The following IL1R2 variants were observed in gnomAD, a reference collection of about 807,000 sequenced individuals.
IL1R2 encodes interleukin 1 receptor type 2, also known as interleukin-1 receptor type 2.
A neutral mutation model predicts 39.5 loss-of-function variants in IL1R2; 46 were observed. That is an observed-to-expected ratio of 1.16 (90% CI 0.92 to 1.49). IL1R2 has a LOEUF of 1.49. Ranked by LOEUF, IL1R2 falls within the 40% of genes most tolerant of loss-of-function variation. The pLI is 0.00. For missense variants in IL1R2, 537 were observed against 502.0 expected, an observed-to-expected ratio of 1.07 and a Z score of -0.67; for synonymous variants, 207 against 189.6, an observed-to-expected ratio of 1.09 and a Z score of -0.75.
chr2:102,013,225 T>C (rs560770228), intron 3 of IL1R2, among the ~76,000 whole-genome samples: 2 of 152,148 alleles, frequency 1.3e-5, no homozygotes, highest in East Asian at 1.9e-4. Flanking sequence ...TGTCAAACTT[T>C]CTTTGCATGA....
intron 6 of IL1R2, 69 bp downstream of exon 6, chr2:102,022,318 T>G: frequency 1.5e-6 from 2 of 1,333,764 alleles, no homozygotes; most frequent in Non-Finnish European, 2.2e-6. Context: ...GCAGGGGGCT[T>G]GGGACCCTTG....
intron 1 of IL1R2, among the ~76,000 whole-genome samples, chr2:102,002,768 A>ATATCTG: frequency 6.6e-6 from 1 of 150,916 alleles, no homozygotes; most frequent in African/African-American, 2.4e-5. Context: ...ATCTATATCT[A>ATATCTG]TATCTATATC....
At chr2:102,017,718 C>T (rs551239102) in intron 4 of IL1R2, among the ~76,000 whole-genome samples, 6 of 151,954 alleles carry the variant, frequency 3.9e-5, no homozygotes, top group East Asian at 3.9e-4. Flanking sequence ...ATTTCAGGGT[C>T]GGTAAATTAA....
chr2:102,013,524 C>CAAAAAAAAAAAAAA (rs771727938), intron 3 of IL1R2, among the ~76,000 whole-genome samples: 1 of 5,690 alleles, frequency 1.8e-4, no homozygotes, highest in Non-Finnish European at 3.0e-4. Context: ...TCTATCACTG[C>CAAAAAAAAAAAAAA]AAAAAAAAAA....
At chr2:102,015,630 A>G (rs1676945953) in intron 3 of IL1R2, among the ~76,000 whole-genome samples, 1 of 152,198 alleles carries the variant, frequency 6.6e-6, no homozygotes, top group South Asian at 2.1e-4. Flanking sequence ...AGCGTTGAAT[A>G]TCTCATGTGA....
chr2:102,009,514 G>T, intron 2 of IL1R2, 48 bp from the exon 3 acceptor site: 1 of 1,590,622 alleles, frequency 6.3e-7, no homozygotes. Context: ...TTTATGATCT[G>T]AGCAAGTTTT....
Position 102,028,252 on chromosome 2 carries a change from G to A in IL1R2, c.1057G>A (p.Val353Met), listed in dbSNP as rs1323243956. 6.2e-7 allele frequency: 1 copy of A among 1,611,978 alleles called. No homozygotes were observed. Among genetic ancestry groups the A allele is most frequent in the Non-Finnish European group, 8.5e-7 (1 of 1,179,142 alleles). The change falls in exon 9 of 9, where the codon GTG (valine) becomes ATG (methionine). Residue 353 changes from valine to methionine, a missense_variant. Val to Met is a conservative substitution (Grantham distance 21, BLOSUM62 1). Coordinates refer to ENST00000332549, the MANE Select transcript of IL1R2 (RefSeq NM_004633.4). ...CTCCTCCACGTTCTCCTGGGGCATT[G>A]TGCTGGCCCCACTTTCACTGGCCTT... ...EASSTFSWGI[V>M]LAPLSLAFLV... is the part of the protein sequence containing the mutation.
In IL1R2 at chr2:102,017,336, G is replaced by A. The variant is rs1020224772; in HGVS notation, c.513+1285G>A. Among the ~76,000 whole-genome samples, 9 of 149,628 alleles carry A rather than the reference G, an allele frequency of 6.0e-5. No homozygotes were observed. In the South Asian group the frequency reaches 1.3e-3, roughly 21 times the overall value. ...CACTTGAGCCCTGGAGGTGGAGGTT[G>A]CAGTGAGCCAAGATCACGCCATTGC... is the stretch of plus-strand genomic sequence containing the variant. On this transcript the variant is annotated intron_variant, in intron 4 of 8. Coordinates refer to ENST00000332549, the MANE Select transcript of IL1R2 (RefSeq NM_004633.4).
intron 1 of IL1R2, among the ~76,000 whole-genome samples, chr2:102,001,457 A>T (rs904775197): frequency 6.6e-6 from 1 of 152,176 alleles, no homozygotes; most frequent in African/African-American, 2.4e-5. Context: ...CCCACCAGGG[A>T]TGGGAGGCTA....
At chr2:102,020,761 G>C (rs1472342310) in intron 5 of IL1R2, among the ~76,000 whole-genome samples, 1 of 152,104 alleles carries the variant, frequency 6.6e-6, no homozygotes, top group Non-Finnish European at 1.5e-5. Flanking sequence ...GGACCGGCAC[G>C]GTCCTGTCTC....
Position 102,009,795 on chromosome 2 carries a change from G to T in IL1R2, c.301G>T (p.Glu101Ter). ...TCTGTGGCTTCTGCCAGCCTTGCAG[G>T]AGGACTCTGGCACCTACGTCTGCAC... ...GALWLLPALQ[E>*]DSGTYVCTTR... Residue 101 changes from glutamate to a stop codon, truncating the protein, a stop_gained, in exon 3 of 9, where the codon GAG becomes TAG. Coordinates refer to ENST00000332549, the MANE Select transcript of IL1R2 (RefSeq NM_004633.4). LOFTEE classifies it high-confidence loss of function. 6.2e-7 allele frequency: 1 copy of T among 1,614,226 alleles called. No individual in the cohort carries two copies. Among genetic ancestry groups the T allele is most frequent in the South Asian group, 1.1e-5 (1 of 91,088 alleles).
At chr2:102,013,478 T>G (rs3218882) in intron 3 of IL1R2, among the ~76,000 whole-genome samples, 3,614 of 123,810 alleles carry the variant, frequency 0.029, 156 homozygotes, top group African/African-American at 0.11. Flanking sequence ...TGCCTGGGCC[T>G]CCTTGCTTGG....
chr2:102,010,696 C>T (rs1450472161), intron 3 of IL1R2, among the ~76,000 whole-genome samples: 2 of 152,166 alleles, frequency 1.3e-5, no homozygotes, highest in Non-Finnish European at 1.5e-5. Context: ...AGTCTCCTGA[C>T]CCTGGGTCCA....
At position 102,015,739 on chromosome 2, in the gene IL1R2, G is replaced by A. The variant is rs2282743; in HGVS notation, c.333-132G>A. 101,655 of 705,516 alleles carry A rather than the reference G, an allele frequency of 0.14. 8,902 individuals are homozygous for A. The highest frequency in any genetic ancestry group is 0.31 in the East Asian group (11,505 of 36,848). 43.7% of individuals were successfully genotyped at this position (705,516 alleles called of 1,614,324 possible). ...ATCCTAAGTTGAACCATCTTATGTCGGGAAACCATCTGTACTAATCCAGAA... is the reference window on the plus strand; with the variant it reads ...ATCCTAAGTTGAACCATCTTATGTCAGGAAACCATCTGTACTAATCCAGAA... On this transcript the variant is annotated intron_variant, in intron 3 of 8. Coordinates refer to ENST00000332549, the MANE Select transcript of IL1R2 (RefSeq NM_004633.4).
rs3218857 is a variant in IL1R2, at chr2:102,010,217, T to G, written c.332+391T>G. On this transcript the variant is annotated intron_variant, in intron 3 of 8. Transcript: ENST00000332549. ...AAGGGCAGGGACTTGGTCTATGTTG[T>G]TCACTGTTGAAGCCACATGGTAAGG... The G allele has an allele frequency of 5.4e-3, 1,023 of 190,150 alleles. 13 individuals carry two copies. The highest frequency in any genetic ancestry group is 0.023 in the African/African-American group (965 of 42,636). 11.8% of individuals were successfully genotyped at this position (190,150 alleles called of 1,614,324 possible).
intron 1 of IL1R2, among the ~76,000 whole-genome samples, chr2:102,002,717 T>C (rs28970930): frequency 0.039 from 5,940 of 152,146 alleles, 378 homozygotes; most frequent in African/African-American, 0.13. Context: ...TATGTCTATG[T>C]CTATGCCTAT....
intron 1 of IL1R2, 76 bp downstream of exon 1, chr2:101,992,087 AAGAGAGAGAG>A (rs36003351): frequency 1.4e-5 from 2 of 140,330 alleles, no homozygotes; most frequent in South Asian, 2.5e-4. Context: ...GAGAGAGAGA[AAGAGAGAGAG>A]AGAGAGAGAG....
At chr2:102,019,921 A>G in intron 5 of IL1R2, 109 bp downstream of exon 5, 1 of 878,788 alleles carries the variant, frequency 1.1e-6, no homozygotes, top group Non-Finnish European at 1.8e-6. Context: ...AATGAAGGAT[A>G]ACGGAAAACA....
intron 3 of IL1R2, among the ~76,000 whole-genome samples, chr2:102,011,725 T>C (rs1368842695): frequency 6.6e-6 from 1 of 152,240 alleles, no homozygotes; most frequent in Admixed American, 6.5e-5. Flanking sequence ...CTGTTCATAG[T>C]GTCATTTGTT....
Sources: allele counts gnomAD v4.1 joint callset (sites outside exome capture counted in the v4.1 genomes callset), GRCh38; gene constraint gnomAD v4.1.1; transcripts MANE v1.5; gene names NCBI Gene and HGNC (gene_info 2026-07-23, HGNC 2026-07-21).